Variants in TUSC3 observed in about 807,000 individuals in gnomAD.
TUSC3 encodes dolichyl-diphosphooligosaccharide--protein glycosyltransferase subunit TUSC3.
A neutral mutation model predicts 44.8 loss-of-function variants in TUSC3; 45 were observed. The observed-to-expected ratio is 1.00, with a 90% CI of 0.79 to 1.29. The LOEUF (loss-of-function observed/expected upper bound fraction) is 1.29, where lower values mean the gene tolerates loss of function less well. Among genes scored for constraint, TUSC3 ranks in the 50% most tolerant of loss-of-function variants. The pLI, the probability that TUSC3 is intolerant of heterozygous loss-of-function variation, is 0.00. For missense variants in TUSC3, 519 were observed against 437.9 expected (o/e 1.19, Z -1.65); for synonymous variants, 212 against 152.9 (o/e 1.39, Z -2.85).
At chr8:15,718,815 TG>T (rs1810172434) in intron 6 of TUSC3, among the ~76,000 whole-genome samples, 1 of 152,118 alleles carries the variant, frequency 6.6e-6, no homozygotes, top group Non-Finnish European at 1.5e-5. Flanking sequence ...ACTGTGAATT[TG>T]GACATTAAAA....
chr8:15,459,380 T>A (rs546192220), intron 1 of TUSC3, among the ~76,000 whole-genome samples: 12 of 152,292 alleles, frequency 7.9e-5, no homozygotes, highest in African/African-American at 2.9e-4. Flanking sequence ...ACTCTTCTTT[T>A]TTTTTGACAT....
chr8:15,598,530 A>C (rs7819262), intron 1 of TUSC3, among the ~76,000 whole-genome samples: 1 of 151,596 alleles, frequency 6.6e-6, no homozygotes, highest in African/African-American at 2.4e-5. Context: ...TCTGTGGGTT[A>C]GGGTAAATGT....
intron 2 of TUSC3, among the ~76,000 whole-genome samples, chr8:15,650,141 T>C (rs890935716): frequency 1.3e-5 from 2 of 152,234 alleles, no homozygotes; most frequent in African/African-American, 4.8e-5. Context: ...AATCTTTGCT[T>C]ACTGTTGGTT....
intron 6 of TUSC3, among the ~76,000 whole-genome samples, chr8:15,676,869 G>C (rs914472114): frequency 6.6e-6 from 1 of 151,982 alleles, no homozygotes; most frequent in African/African-American, 2.4e-5. Flanking sequence ...CCCCAAAGAA[G>C]GATTTTCTTT....
intron 1 of TUSC3, among the ~76,000 whole-genome samples, chr8:15,566,738 G>A (rs183570250): frequency 8.6e-4 from 130 of 151,860 alleles, no homozygotes; most frequent in African/African-American, 3.1e-3. Context: ...ATCCTCCCGC[G>A]TTAGTCTCCT....
In TUSC3 at chr8:15,462,238, T is replaced by C. The variant is rs543398666; in HGVS notation, n.92-21148T>C. ...AAATCATGTAATCATCACCATTCTA[T>C]GTGGCAGAGAATTTTGACGAATTAT... is the stretch of plus-strand genomic sequence containing the variant. On this transcript the variant is annotated intron_variant and non_coding_transcript_variant, in intron 1 of 5. Coordinates refer to the TUSC3 transcript ENST00000503191. Among the ~76,000 whole-genome samples the C allele has an allele frequency of 4.6e-5, 7 of 152,260 alleles. No individual in the cohort carries two copies. In the East Asian group the frequency reaches 5.8e-4, roughly 13 times the overall value.
chr8:15,777,568 G>T, the TUSC3 span, among the ~76,000 whole-genome samples: 2 of 152,124 alleles, frequency 1.3e-5, no homozygotes, highest in African/African-American at 4.8e-5. Context: ...CAGATATGAA[G>T]CATATAAATG....
chr8:15,738,662 T>G (rs898387379), intron 7 of TUSC3, among the ~76,000 whole-genome samples: 3 of 152,114 alleles, frequency 2.0e-5, no homozygotes, highest in African/African-American at 7.2e-5. Context: ...ACACTTTTAT[T>G]AACTCACCCG....
intron 1 of TUSC3, among the ~76,000 whole-genome samples, chr8:15,575,277 A>G (rs1489013900): frequency 1.3e-5 from 2 of 152,162 alleles, no homozygotes; most frequent in African/African-American, 4.8e-5. Flanking sequence ...CTGCTTTGTC[A>G]TGTAGCCAAT....
chr8:15,617,526 C>T (rs1805051226), intron 1 of TUSC3, among the ~76,000 whole-genome samples: 1 of 152,100 alleles, frequency 6.6e-6, no homozygotes, highest in African/African-American at 2.4e-5. Context: ...CTCCCCCTTT[C>T]CTTATTTGTG....
intron 2 of TUSC3, among the ~76,000 whole-genome samples, chr8:15,639,165 A>G (rs1372674708): frequency 1.3e-5 from 2 of 150,638 alleles, no homozygotes; most frequent in Non-Finnish European, 2.9e-5. Flanking sequence ...TCATGTGTCG[A>G]TGCTAGATCA....
chr8:15,623,533 T>C (rs1257319149), intron 2 of TUSC3, among the ~76,000 whole-genome samples: 1 of 152,054 alleles, frequency 6.6e-6, no homozygotes, highest in Non-Finnish European at 1.5e-5. Context: ...CACTCAGTTA[T>C]AGCTATGGTT....
At chr8:15,476,377 C>T (rs1341348240) in intron 1 of TUSC3, among the ~76,000 whole-genome samples, 1 of 152,156 alleles carries the variant, frequency 6.6e-6, no homozygotes, top group Non-Finnish European at 1.5e-5. Context: ...AAAGGATGTG[C>T]TGACTTTAAC....
At chr8:15,625,134 A>G (rs1805438093) in intron 2 of TUSC3, among the ~76,000 whole-genome samples, 1 of 152,168 alleles carries the variant, frequency 6.6e-6, no homozygotes, top group Non-Finnish European at 1.5e-5. Flanking sequence ...CTATGGATAT[A>G]ATCAGTTACA....
At chr8:15,626,918 A>C (rs1388107688) in intron 2 of TUSC3, among the ~76,000 whole-genome samples, 1 of 152,208 alleles carries the variant, frequency 6.6e-6, no homozygotes, top group African/African-American at 2.4e-5. Context: ...GGAGGCAGAC[A>C]GGCTCCAGGG....
intron 2 of TUSC3, among the ~76,000 whole-genome samples, chr8:15,638,837 C>T (rs557606686): frequency 6.6e-6 from 1 of 152,116 alleles, no homozygotes; most frequent in Admixed American, 6.5e-5. Flanking sequence ...AGGACAAATA[C>T]TAGCATTACA....
At chr8:15,595,355 G>T (rs1038806641) in intron 1 of TUSC3, among the ~76,000 whole-genome samples, 1 of 152,046 alleles carries the variant, frequency 6.6e-6, no homozygotes, top group Non-Finnish European at 1.5e-5. Context: ...GATTCTAGGT[G>T]CCTTGGTTAC....
intron 1 of TUSC3, among the ~76,000 whole-genome samples, chr8:15,450,794 C>T (rs1800188048): frequency 6.6e-6 from 1 of 152,032 alleles, no homozygotes; most frequent in Admixed American, 6.6e-5. Context: ...CAGATGTTGG[C>T]TTACTGTTTT....
intron 1 of TUSC3, among the ~76,000 whole-genome samples, chr8:15,476,399 C>G (rs1727344184): frequency 6.6e-6 from 1 of 152,084 alleles, no homozygotes; most frequent in Non-Finnish European, 1.5e-5. Context: ...TACTTTTGGT[C>G]TTTTTATTTA....
Sources: allele counts gnomAD v4.1 joint callset (sites outside exome capture counted in the v4.1 genomes callset), GRCh38; gene constraint gnomAD v4.1.1; transcripts MANE v1.5; gene names NCBI Gene and HGNC (gene_info 2026-07-23, HGNC 2026-07-21).